Variants in IL15 observed in about 807,000 individuals in gnomAD.
IL15 encodes the protein interleukin-15.
A neutral mutation model predicts 19.6 loss-of-function variants in IL15; 11 were observed. The observed-to-expected ratio is 0.56, with a 90% CI of 0.35 to 0.93. The LOEUF (loss-of-function observed/expected upper bound fraction) is 0.93. Among genes scored for constraint, IL15 ranks in the 40% least tolerant of loss-of-function variants. The probability of loss-of-function intolerance (pLI) is 0.01; values close to 1 mark genes in which losing one functional copy is unlikely to be tolerated. For synonymous variants in IL15, 58 were observed against 59.6 expected (o/e 0.97, Z 0.12); for missense variants, 197 against 186.5 (o/e 1.06, Z -0.33).
At chr4:141,727,400 G>A in intron 5 of IL15, among the ~76,000 whole-genome samples, 1 of 152,250 alleles carries the variant, frequency 6.6e-6, no homozygotes, top group East Asian at 1.9e-4. Flanking sequence ...TATGATATGA[G>A]TCCGTTTACA....
chr4:141,711,442 A>G (rs1456331063), intron 2 of IL15, among the ~76,000 whole-genome samples: 2 of 152,138 alleles, frequency 1.3e-5, no homozygotes, highest in Non-Finnish European at 2.9e-5. Flanking sequence ...TAGTGCAGCT[A>G]AGATGCTGAT....
chr4:141,693,016 C>CCAAAAAAAAAAAAAAAA (rs1728968337), intron 2 of IL15, among the ~76,000 whole-genome samples: 3 of 23,232 alleles, frequency 1.3e-4, no homozygotes, highest in Non-Finnish European at 2.3e-4. Flanking sequence ...GACTCCGTCT[C>CCAAAAAAAAAAAAAAAA]AAAAAAAAAA....
At chr4:141,659,027 T>A (rs1727701403) in intron 2 of IL15, among the ~76,000 whole-genome samples, 1 of 150,986 alleles carries the variant, frequency 6.6e-6, no homozygotes, top group Non-Finnish European at 1.5e-5. Context: ...GCCTGGCTAA[T>A]TTTTTTTGTA....
In IL15 at chr4:141,714,241, T is replaced by TC. The variant is rs1211616368; in HGVS notation, c.-99-5122dup. Among the ~76,000 whole-genome samples the TC allele has an allele frequency of 2.6e-5, 4 of 152,150 alleles. No homozygotes were observed. The East Asian group carries it at 7.8e-4, about 29-fold the overall frequency. On this transcript the variant is annotated intron_variant, in intron 2 of 7. Transcript: ENST00000320650. ...ATCCCCCTTATAACTCAGCATTCCT[T>TC]CCCGTGACAGTAGATGACTCAGCCC... is the stretch of plus-strand genomic sequence containing the variant.
chr4:141,705,743 T>A (rs529889538), intron 2 of IL15, among the ~76,000 whole-genome samples: 12 of 152,072 alleles, frequency 7.9e-5, no homozygotes, highest in Non-Finnish European at 1.3e-4. Flanking sequence ...TTGCTTTAGA[T>A]ATCTGGGTGC....
At chr4:141,724,810 A>C (rs969592051) in intron 5 of IL15, among the ~76,000 whole-genome samples, 2 of 152,156 alleles carry the variant, frequency 1.3e-5, no homozygotes, top group African/African-American at 4.8e-5. Flanking sequence ...CATCATACAC[A>C]AGCTCCCAAA....
intron 1 of IL15, among the ~76,000 whole-genome samples, chr4:141,645,738 G>A (rs1411113295): frequency 6.6e-6 from 1 of 152,100 alleles, no homozygotes; most frequent in African/African-American, 2.4e-5. Context: ...TGCAATGTAT[G>A]TGGCCTCAGA....
intron 1 of IL15, among the ~76,000 whole-genome samples, chr4:141,638,324 C>G (rs1352323121): frequency 6.6e-6 from 1 of 152,128 alleles, no homozygotes; most frequent in Non-Finnish European, 1.5e-5. Flanking sequence ...GTTTCGGGTC[C>G]TTATTCGTGT....
intron 2 of IL15, among the ~76,000 whole-genome samples, chr4:141,657,970 CAGTA>C (rs1333710196): frequency 6.6e-6 from 1 of 152,156 alleles, no homozygotes; most frequent in Non-Finnish European, 1.5e-5. Context: ...ACTGGCAGCA[CAGTA>C]AGTGTGTTTC....
At chr4:141,641,491 C>A (rs2152149508) in intron 1 of IL15, among the ~76,000 whole-genome samples, 1 of 152,162 alleles carries the variant, frequency 6.6e-6, no homozygotes, top group Admixed American at 6.5e-5. Flanking sequence ...CACATATACA[C>A]CATAGAATAC....
intron 2 of IL15, among the ~76,000 whole-genome samples, chr4:141,664,807 C>T (rs1294856246): frequency 6.6e-6 from 1 of 152,066 alleles, no homozygotes. Flanking sequence ...GGAATTGAAG[C>T]CTAATTCTTA....
At chr4:141,643,748 C>A (rs1727129483) in intron 1 of IL15, among the ~76,000 whole-genome samples, 1 of 152,026 alleles carries the variant, frequency 6.6e-6, no homozygotes, top group Non-Finnish European at 1.5e-5. Flanking sequence ...TCTTGGTGAT[C>A]TCATCTAGTG....
intron 2 of IL15, among the ~76,000 whole-genome samples, chr4:141,707,717 T>C (rs762725809): frequency 1.3e-5 from 2 of 152,198 alleles, no homozygotes; most frequent in African/African-American, 2.4e-5. Context: ...GCTTTTGAGG[T>C]AGTGGCATAG....
At chr4:141,687,618 A>C (rs771241732) in intron 2 of IL15, among the ~76,000 whole-genome samples, 1 of 152,198 alleles carries the variant, frequency 6.6e-6, no homozygotes, top group Non-Finnish European at 1.5e-5. Context: ...TCAGTAAATT[A>C]GCACTTACCC....
At chr4:141,649,711 A>G (rs567799821) in intron 1 of IL15, among the ~76,000 whole-genome samples, 1 of 152,234 alleles carries the variant, frequency 6.6e-6, no homozygotes, top group East Asian at 1.9e-4. Context: ...AAAACAAACC[A>G]GCAACACAAC....
intron 2 of IL15, among the ~76,000 whole-genome samples, chr4:141,697,733 T>C (rs571491551): frequency 6.6e-6 from 1 of 152,096 alleles, no homozygotes; most frequent in Non-Finnish European, 1.5e-5. Context: ...ACCTCCTTAG[T>C]TAGGTATATT....
rs137998461 is a variant in IL15, at chr4:141,647,908, C to T, written c.-221-8278C>T. The stretch of plus-strand genomic sequence containing the variant: ...TTTATCTGTGTTCATATTGCCTCTC[C>T]GGCAGGTAAATGATAAAGGTCATAG... On this transcript the variant is annotated intron_variant, in intron 1 of 7. Coordinates refer to ENST00000320650, the MANE Select transcript of IL15 (RefSeq NM_000585.5). Among the ~76,000 whole-genome samples, 62 of 151,960 alleles carry T rather than the reference C, an allele frequency of 4.1e-4. No homozygotes were observed. In the East Asian group the frequency reaches 5.0e-3, roughly 12 times the overall value.
chr4:141,732,839 C>G lies in IL15; in HGVS notation c.480C>G (p.Asn160Lys), dbSNP rs1384382485. 1 of 1,608,034 alleles carries G rather than the reference C, an allele frequency of 6.2e-7. No individual in the cohort carries two copies. The highest frequency in any genetic ancestry group is 1.7e-5 in the Admixed American group (1 of 58,642). Residue 160 changes from asparagine to lysine, a missense_variant, in exon 8 of 8, where the codon AAC becomes AAG. Transcript: ENST00000320650. ...TACATATTGTCCAAATGTTCATCAA[C>G]ACTTCTTGATTGCAATTGATTCTTT... ...SFVHIVQMFINTS is the reference protein window; with the variant it reads ...SFVHIVQMFIKTS
At chr4:141,665,642 A>G (rs973915268) in intron 2 of IL15, among the ~76,000 whole-genome samples, 1 of 152,132 alleles carries the variant, frequency 6.6e-6, no homozygotes, top group Non-Finnish European at 1.5e-5. Flanking sequence ...TGCTTCTCAG[A>G]TTGTATAATT....
Sources: allele counts gnomAD v4.1 joint callset (sites outside exome capture counted in the v4.1 genomes callset), GRCh38; gene constraint gnomAD v4.1.1; transcripts MANE v1.5; gene names NCBI Gene and HGNC (gene_info 2026-07-23, HGNC 2026-07-21).